Variants in ADCY2 observed in about 807,000 individuals in gnomAD.
The protein encoded by ADCY2 is adenylate cyclase 2.
ADCY2 carries 31 observed loss-of-function variants against 125.2 expected under a neutral mutation model. The ratio of observed to expected loss-of-function variants is 0.25; its 90% CI spans 0.19 to 0.33. The LOEUF (loss-of-function observed/expected upper bound fraction) is 0.33. ADCY2 is among the 10% of genes least tolerant of loss of function. The pLI is 1.00. For missense variants in ADCY2, 904 were observed against 1,418.2 expected, an observed-to-expected ratio of 0.64 and a Z score of 5.82; for synonymous variants, 512 against 548.4, an observed-to-expected ratio of 0.93 and a Z score of 0.93.
At chr5:7,656,709 T>A (rs1282439200) in intron 4 of ADCY2, among the ~76,000 whole-genome samples, 1 of 152,174 alleles carries the variant, frequency 6.6e-6, no homozygotes, top group African/African-American at 2.4e-5. Flanking sequence ...GTGGGAAGGA[T>A]GTGAGGGAGT....
intron 22 of ADCY2, among the ~76,000 whole-genome samples, chr5:7,807,464 C>T (rs925687746): frequency 1.3e-5 from 2 of 152,208 alleles, no homozygotes; most frequent in African/African-American, 4.8e-5. Context: ...TCCTAGGTGA[C>T]GCCCTGTCTG....
rs574499974 is a variant in ADCY2, at chr5:7,491,283, G to T, written c.409-29455G>T. Among the ~76,000 whole-genome samples, 14 of 150,028 alleles carry T rather than the reference G, an allele frequency of 9.3e-5. No individual in the cohort carries two copies. In the East Asian group the frequency reaches 2.7e-3, roughly 29 times the overall value. ...TTTTTTTTTTTTGAGACACAGTCTTGCTCTGTTGCCCAGGCTGGAGTGCAA... is the reference window on the plus strand; with the variant it reads ...TTTTTTTTTTTTGAGACACAGTCTTTCTCTGTTGCCCAGGCTGGAGTGCAA... On this transcript the variant is annotated intron_variant, in intron 2 of 24. Transcript: ENST00000338316.
chr5:7,458,593 G>C (rs1285009054), intron 2 of ADCY2, among the ~76,000 whole-genome samples: 3 of 152,092 alleles, frequency 2.0e-5, no homozygotes, highest in Non-Finnish European at 2.9e-5. Context: ...ATTTCCAGCT[G>C]GCGTATGTTA....
intron 2 of ADCY2, among the ~76,000 whole-genome samples, chr5:7,433,723 T>C (rs1331272760): frequency 2.0e-5 from 3 of 152,216 alleles, no homozygotes; most frequent in East Asian, 1.9e-4. Context: ...TTGGCCTAGA[T>C]ACAAATAAAG....
chr5:7,640,607 G>A (rs1034458628), intron 4 of ADCY2, among the ~76,000 whole-genome samples: 2 of 152,062 alleles, frequency 1.3e-5, no homozygotes, highest in African/African-American at 4.8e-5. Context: ...ATGAAAAATG[G>A]TAACTGTTTC....
At chr5:7,750,280 A>G (rs942039769) in intron 15 of ADCY2, among the ~76,000 whole-genome samples, 2 of 151,880 alleles carry the variant, frequency 1.3e-5, no homozygotes, top group African/African-American at 4.8e-5. Flanking sequence ...TTTTTCAGTT[A>G]TTACCTTAAA....
intron 3 of ADCY2, among the ~76,000 whole-genome samples, chr5:7,535,747 T>C (rs1401057802): frequency 6.6e-6 from 1 of 152,166 alleles, no homozygotes; most frequent in East Asian, 1.9e-4. Flanking sequence ...AAATCGGATA[T>C]GCAAAGAGAA....
chr5:7,581,075 A>G (rs897662758), intron 3 of ADCY2, among the ~76,000 whole-genome samples: 3 of 152,144 alleles, frequency 2.0e-5, no homozygotes, highest in Non-Finnish European at 4.4e-5. Flanking sequence ...AAGTAAAGGA[A>G]CTCCTTCAGA....
chr5:7,730,871 T>C (rs936951420), intron 14 of ADCY2, among the ~76,000 whole-genome samples: 1 of 152,142 alleles, frequency 6.6e-6, no homozygotes, highest in Non-Finnish European at 1.5e-5. Flanking sequence ...CATAAGTGTA[T>C]TTGTTTTCAT....
intron 4 of ADCY2, among the ~76,000 whole-genome samples, chr5:7,674,686 G>A (rs2126708097): frequency 6.6e-6 from 1 of 152,280 alleles, no homozygotes; most frequent in African/African-American, 2.4e-5. Context: ...TCAGTTCTGA[G>A]CCACTGCTTG....
chr5:7,621,966 A>G (rs1737968306), intron 3 of ADCY2, among the ~76,000 whole-genome samples: 1 of 152,174 alleles, frequency 6.6e-6, no homozygotes, highest in Admixed American at 6.5e-5. Flanking sequence ...CTTGACTGCT[A>G]TTATTACCTT....
intron 3 of ADCY2, among the ~76,000 whole-genome samples, chr5:7,589,478 G>GA (rs1554022196): frequency 1.6e-4 from 8 of 50,792 alleles, no homozygotes; most frequent in African/African-American, 3.4e-4. Flanking sequence ...AAGAAAGAAA[G>GA]AAAGAAAGAA....
At chr5:7,538,790 G>A (rs1734898823) in intron 3 of ADCY2, among the ~76,000 whole-genome samples, 1 of 151,598 alleles carries the variant, frequency 6.6e-6, no homozygotes, top group Admixed American at 6.6e-5. Context: ...CAAGCAGAAA[G>A]AGTAGTTCAC....
chr5:7,542,210 A>G (rs1290449404), intron 3 of ADCY2, among the ~76,000 whole-genome samples: 1 of 152,190 alleles, frequency 6.6e-6, no homozygotes, highest in Non-Finnish European at 1.5e-5. Context: ...TGGTCCAAAT[A>G]GGAGACTCAG....
intron 2 of ADCY2, among the ~76,000 whole-genome samples, chr5:7,488,314 C>G (rs2126484037): frequency 6.6e-6 from 1 of 152,300 alleles, no homozygotes; most frequent in African/African-American, 2.4e-5. Context: ...GAGGCCTCCC[C>G]AGCCATGTCG....
chr5:7,679,972 T>G (rs1740274763), intron 4 of ADCY2, among the ~76,000 whole-genome samples: 2 of 152,034 alleles, frequency 1.3e-5, no homozygotes, highest in Non-Finnish European at 2.9e-5. Context: ...AGTGATGTCC[T>G]GGAGAGGTGC....
chr5:7,594,092 GA>G (rs199943503), intron 3 of ADCY2, among the ~76,000 whole-genome samples: 2,980 of 152,268 alleles, frequency 0.02, 40 homozygotes, highest in Non-Finnish European at 0.029. Flanking sequence ...GTTGATTTGA[GA>G]AGAATTATGA....
rs190497065 is a variant in ADCY2, at chr5:7,466,222, A to G, written c.408+51452A>G. On this transcript the variant is annotated intron_variant, in intron 2 of 24. Transcript: ENST00000338316. ...ATCTTATATATTTTTTTCTTAGTAA[A>G]ATCCTCAAGATATGCCTCCAAGTTT... 8.8e-4 allele frequency among the ~76,000 whole-genome samples: 134 copies of G among 152,286 alleles called. 1 individual carries two copies. Among genetic ancestry groups the G allele is most frequent in the African/African-American group, 2.9e-3 (120 of 41,552 alleles).
rs75520901 is a variant in ADCY2, at chr5:7,630,531, T to G, written c.720+4215T>G. ...CTGTAACAAATTTCCACAAATTTGA[T>G]GGCTTAAAACAGAACAGATTTTTTA... is the stretch of plus-strand genomic sequence containing the variant. On this transcript the variant is annotated intron_variant, in intron 4 of 24. Coordinates refer to ENST00000338316, the MANE Select transcript of ADCY2 (RefSeq NM_020546.3). 3.0e-3 allele frequency among the ~76,000 whole-genome samples: 461 copies of G among 152,350 alleles called. 1 individual carries two copies. The highest frequency in any genetic ancestry group is 5.7e-3 in the Admixed American group (87 of 15,298).
Sources: allele counts gnomAD v4.1 joint callset (sites outside exome capture counted in the v4.1 genomes callset), GRCh38; gene constraint gnomAD v4.1.1; transcripts MANE v1.5; gene names NCBI Gene and HGNC (gene_info 2026-07-23, HGNC 2026-07-21).